WASF3: variants seen among roughly 807,000 people sequenced by gnomAD.
WASF3 encodes the protein actin-binding protein WASF3.
WASF3 carries 11 observed loss-of-function variants against 46.6 expected under a neutral mutation model. The observed-to-expected ratio is 0.24, with a 90% confidence interval of 0.15 to 0.39. The LOEUF is 0.39. Ranked by LOEUF, WASF3 falls within the 10% of genes least tolerant of loss-of-function variation. The pLI is 1.00. For synonymous variants in WASF3, 242 were observed against 259.7 expected, an observed-to-expected ratio of 0.93 and a Z score of 0.65; for missense variants, 576 against 669.8, an observed-to-expected ratio of 0.86 and a Z score of 1.55.
chr13:26,630,535 A>C (rs972793475), intron 2 of WASF3, among the ~76,000 whole-genome samples: 2 of 152,176 alleles, frequency 1.3e-5, no homozygotes, highest in Non-Finnish European at 1.5e-5. Context: ...TATATATGTC[A>C]CATTTTCTTA....
At chr13:26,554,097 TTC>T (rs1879040424), upstream of WASF3, among the ~76,000 whole-genome samples, 3 of 97,476 alleles carry the variant, frequency 3.1e-5, no homozygotes, top group Non-Finnish European at 5.9e-5. Context: ...CCTTCCTTCC[TTC>T]TTTCTTTCTT....
At chr13:26,661,949 TGTCA>T (rs1450389816) in intron 3 of WASF3, among the ~76,000 whole-genome samples, 1 of 151,850 alleles carries the variant, frequency 6.6e-6, no homozygotes, top group African/African-American at 2.4e-5. Flanking sequence ...TGCTCAGGAG[TGTCA>T]GTCAGCTACT....
intron 1 of WASF3, among the ~76,000 whole-genome samples, chr13:26,609,997 A>C (rs1246410605): frequency 2.0e-5 from 3 of 152,204 alleles, no homozygotes; most frequent in Non-Finnish European, 4.4e-5. Context: ...TTCCTCACTC[A>C]CATTAGCACA....
At chr13:26,548,723 C>G in the WASF3 span, among the ~76,000 whole-genome samples, 1 of 152,262 alleles carries the variant, frequency 6.6e-6, no homozygotes, top group Admixed American at 6.5e-5. Flanking sequence ...CTTCTTCCAG[C>G]TTCTCTGCAA....
chr13:26,610,216 C>T (rs1367390416), intron 1 of WASF3, among the ~76,000 whole-genome samples: 1 of 152,188 alleles, frequency 6.6e-6, no homozygotes, highest in Non-Finnish European at 1.5e-5. Context: ...CCTCCCTTGT[C>T]TTAGTTTAGG....
chr13:26,597,393 C>T (rs540896416), intron 1 of WASF3, among the ~76,000 whole-genome samples: 92 of 152,318 alleles, frequency 6.0e-4, no homozygotes, highest in Admixed American at 2.5e-3. Context: ...CCTGGGCCTC[C>T]GAAAGTGCTG....
At chr13:26,572,714 G>C (rs1432355449) in intron 1 of WASF3, among the ~76,000 whole-genome samples, 1 of 151,976 alleles carries the variant, frequency 6.6e-6, no homozygotes, top group Non-Finnish European at 1.5e-5. Flanking sequence ...CACCATGCTG[G>C]GCTAATTTTT....
chr13:26,659,317 T>A (rs759093866), intron 3 of WASF3, among the ~76,000 whole-genome samples: 3 of 152,146 alleles, frequency 2.0e-5, no homozygotes, highest in Admixed American at 6.5e-5. Context: ...CTTGGGTATG[T>A]CTGAGAAACA....
chr13:26,607,093 A>G (rs1880822254), intron 1 of WASF3, among the ~76,000 whole-genome samples: 1 of 152,162 alleles, frequency 6.6e-6, no homozygotes, highest in Non-Finnish European at 1.5e-5. Flanking sequence ...AATTTAGTAT[A>G]TAGGGTTTAG....
chr13:26,564,335 C>T (rs9553858), intron 1 of WASF3, among the ~76,000 whole-genome samples: 57,071 of 152,060 alleles, frequency 0.38, 11,252 homozygotes, highest in East Asian at 0.59. Flanking sequence ...TCTTGAACGT[C>T]GTCGTCATAT....
At chr13:26,546,524 A>C in the WASF3 span, among the ~76,000 whole-genome samples, 1 of 152,168 alleles carries the variant, frequency 6.6e-6, no homozygotes, top group Non-Finnish European at 1.5e-5. Flanking sequence ...CAGCCTGGCC[A>C]CCATGGTGAA....
chr13:26,668,885 A>G (rs1882847206), intron 5 of WASF3, among the ~76,000 whole-genome samples: 1 of 152,260 alleles, frequency 6.6e-6, no homozygotes, highest in Admixed American at 6.5e-5. Context: ...ATTTTAATTT[A>G]TGGCTTTGCA....
upstream of WASF3, among the ~76,000 whole-genome samples, chr13:26,556,356 T>C (rs1879098428): frequency 6.6e-6 from 1 of 152,198 alleles, no homozygotes; most frequent in African/African-American, 2.4e-5. Context: ...CCTGGGTAAG[T>C]GAAGATGAAA....
chr13:26,675,473 G>GAC lies in WASF3; in HGVS notation c.541-1070_541-1069dup, dbSNP rs1470443176. 1.0e-4 allele frequency among the ~76,000 whole-genome samples: 8 copies of GAC among 80,266 alleles called. No individual in the cohort carries two copies. In the South Asian group the frequency reaches 4.0e-3, roughly 40 times the overall value. The allele number at this position is 80,266 out of a possible 152,430, so 52.7% of individuals were successfully genotyped here. ...GGATGCCTCCCTGACTTCCAGACTA[G>GAC]ACACACATACACACACACACACACA... On this transcript the variant is annotated intron_variant, in intron 6 of 9. Transcript: ENST00000335327.
At position 26,583,592 on chromosome 13, in the gene WASF3, A is replaced by T. The variant is rs1360682149; in HGVS notation, c.-109+25773A>T. On this transcript the variant is annotated intron_variant, in intron 1 of 9. Transcript: ENST00000335327. ...CTTATTTCATTGAAAATTTTTTTAA[A>T]TTATGAATTTGATTATATTACTTGT... Among the ~76,000 whole-genome samples the T allele has an allele frequency of 7.4e-4, 113 of 152,284 alleles. 3 individuals carry two copies. Among genetic ancestry groups the T allele is most frequent in the Admixed American group, 7.4e-3 (113 of 15,294 alleles).
chr13:26,683,867 C>T (rs540785498), intron 9 of WASF3, among the ~76,000 whole-genome samples: 128 of 152,308 alleles, frequency 8.4e-4, no homozygotes, highest in African/African-American at 2.9e-3. Flanking sequence ...AACCTCCAGC[C>T]CACACCATGG....
intron 2 of WASF3, among the ~76,000 whole-genome samples, chr13:26,615,250 CCTA>C (rs1881095824): frequency 6.6e-6 from 1 of 152,098 alleles, no homozygotes; most frequent in Non-Finnish European, 1.5e-5. Context: ...TCAGTGATCT[CCTA>C]CTTTGTCATA....
At chr13:26,662,715 A>G (rs138954768) in intron 3 of WASF3, among the ~76,000 whole-genome samples, 2 of 152,350 alleles carry the variant, frequency 1.3e-5, no homozygotes, top group East Asian at 3.9e-4. Context: ...CTACCTGGGT[A>G]TGGGATCATT....
chr13:26,607,033 T>A (rs1880820586), intron 1 of WASF3: 1 of 152,260 alleles, frequency 6.6e-6, no homozygotes, highest in African/African-American at 2.4e-5. Context: ...ATAAGTTAAA[T>A]GTGCCTAATT....
Sources: allele counts gnomAD v4.1 joint callset (sites outside exome capture counted in the v4.1 genomes callset), GRCh38; gene constraint gnomAD v4.1.1; transcripts MANE v1.5; gene names NCBI Gene and HGNC (gene_info 2026-07-23, HGNC 2026-07-21).